Variants in PHF14 observed in about 807,000 individuals in gnomAD.
PHF14 encodes PHD finger protein 14.
PHF14 carries 55 observed loss-of-function variants against 117.9 expected under a neutral mutation model. The ratio of observed to expected loss-of-function variants is 0.47; its 90% CI spans 0.38 to 0.58. The LOEUF is 0.58. Among genes scored for constraint, PHF14 ranks in the 20% least tolerant of loss-of-function variants. The probability of loss-of-function intolerance (pLI) is 0.00; values close to 1 mark genes in which losing one functional copy is unlikely to be tolerated. For missense variants in PHF14, 978 were observed against 1,122.2 expected (o/e 0.87, Z 1.84); for synonymous variants, 409 against 368.6 (o/e 1.11, Z -1.26).
intron 10 of PHF14, 86 bp from the exon 11 acceptor site, chr7:11,038,674 T>A: frequency 2.7e-6 from 1 of 367,928 alleles, no homozygotes; most frequent in Non-Finnish European, 4.7e-6. Context: ...AAAAAAATTA[T>A]ATATATATAT....
At chr7:10,980,949 T>C (rs1291594498) in intron 2 of PHF14, among the ~76,000 whole-genome samples, 1 of 152,182 alleles carries the variant, frequency 6.6e-6, no homozygotes, top group Non-Finnish European at 1.5e-5. Context: ...AGAGTGTTTT[T>C]TTCAGAACAG....
intron 7 of PHF14, among the ~76,000 whole-genome samples, chr7:11,034,476 G>A (rs1275059113): frequency 3.3e-5 from 5 of 150,916 alleles, no homozygotes; most frequent in Non-Finnish European, 1.5e-5. Flanking sequence ...TGAGTTTTTA[G>A]GGAAAGAGTT....
At chr7:11,052,089 T>C (rs1388979694) in intron 14 of PHF14, among the ~76,000 whole-genome samples, 1 of 152,164 alleles carries the variant, frequency 6.6e-6, no homozygotes, top group African/African-American at 2.4e-5. Flanking sequence ...TCTTTATCTG[T>C]CTAGCCCAGA....
At chr7:11,090,445 T>G (rs1179796844) in intron 16 of PHF14, among the ~76,000 whole-genome samples, 1 of 152,222 alleles carries the variant, frequency 6.6e-6, no homozygotes, top group East Asian at 1.9e-4. Context: ...ACCCATATTT[T>G]CCTTTTCAGG....
intron 16 of PHF14, among the ~76,000 whole-genome samples, chr7:11,066,995 G>A (rs535558698): frequency 4.6e-5 from 7 of 152,254 alleles, no homozygotes; most frequent in Non-Finnish European, 8.8e-5. Flanking sequence ...AAAAACTTTT[G>A]TGTGTGAAAG....
chr7:11,165,692 G>T (rs892812910), intron 17 of PHF14, among the ~76,000 whole-genome samples: 1 of 152,176 alleles, frequency 6.6e-6, no homozygotes, highest in Non-Finnish European at 1.5e-5. Flanking sequence ...GGAAGGAAAA[G>T]AATGGATAGG....
At chr7:11,135,560 CAG>C (rs1389896773) in intron 17 of PHF14, among the ~76,000 whole-genome samples, 3 of 151,934 alleles carry the variant, frequency 2.0e-5, no homozygotes, top group Non-Finnish European at 2.9e-5. Context: ...TAATTTTAAT[CAG>C]TGTTAATTTT....
At chr7:10,974,538 C>T (rs566657049) in intron 1 of PHF14, among the ~76,000 whole-genome samples, 1 of 152,222 alleles carries the variant, frequency 6.6e-6, no homozygotes, top group East Asian at 1.9e-4. Flanking sequence ...TGGGGGATTA[C>T]GAGGAAGGTG....
intron 16 of PHF14, chr7:11,109,874 T>C (rs1240248721): frequency 2.0e-5 from 3 of 151,958 alleles, no homozygotes; most frequent in Non-Finnish European, 4.4e-5. Context: ...TTTTTTAAAG[T>C]CTTGAATCTA....
At chr7:11,003,271 T>C (rs1782947210) in intron 4 of PHF14, among the ~76,000 whole-genome samples, 2 of 152,196 alleles carry the variant, frequency 1.3e-5, no homozygotes, top group African/African-American at 4.8e-5. Context: ...TTCACGCTAA[T>C]AGCAGGACTC....
At chr7:11,022,663 A>AT (rs200403399) in intron 5 of PHF14, among the ~76,000 whole-genome samples, 2,993 of 152,258 alleles carry the variant, frequency 0.02, 39 homozygotes, top group Middle Eastern at 0.044. Flanking sequence ...TGGAAAAGTA[A>AT]TTTCAGTCCC....
intron 16 of PHF14, among the ~76,000 whole-genome samples, chr7:11,099,640 AT>A: frequency 6.6e-6 from 1 of 152,130 alleles, no homozygotes; most frequent in Middle Eastern, 3.2e-3. Context: ...ATACTTAATC[AT>A]TTGGAAAGAC....
intron 3 of PHF14, among the ~76,000 whole-genome samples, chr7:10,988,032 AG>A (rs371048768): frequency 6.6e-6 from 1 of 150,384 alleles, no homozygotes; most frequent in Non-Finnish European, 1.5e-5. Flanking sequence ...AAAAAAAAAA[AG>A]AAAAAGAAAA....
At chr7:11,102,015 A>G (rs1260048555) in intron 16 of PHF14, among the ~76,000 whole-genome samples, 1 of 151,790 alleles carries the variant, frequency 6.6e-6, no homozygotes, top group Non-Finnish European at 1.5e-5. Context: ...GAGTCTCTGT[A>G]TTTGAGTATA....
At chr7:10,988,351 A>G (rs1374977112) in intron 3 of PHF14, among the ~76,000 whole-genome samples, 1 of 152,184 alleles carries the variant, frequency 6.6e-6, no homozygotes, top group Admixed American at 6.5e-5. Flanking sequence ...TAGAGGAATT[A>G]GAACTGCATT....
chr7:11,073,407 C>A (rs765797097), intron 16 of PHF14, among the ~76,000 whole-genome samples: 132 of 152,210 alleles, frequency 8.7e-4, no homozygotes, highest in Admixed American at 1.2e-3. Context: ...ACCTTAAAAG[C>A]TTCAAAACAA....
intron 16 of PHF14, among the ~76,000 whole-genome samples, chr7:11,083,165 G>C (rs144972419): frequency 6.6e-6 from 1 of 152,136 alleles, no homozygotes; most frequent in African/African-American, 2.4e-5. Flanking sequence ...CAGGATTTGC[G>C]TCAGGGATAA....
chr7:11,151,072 C>CA lies in PHF14; in HGVS notation c.2773-18337dup, dbSNP rs75271767. 4.7e-4 allele frequency among the ~76,000 whole-genome samples: 70 copies of CA among 150,042 alleles called. No individual in the cohort carries two copies. In the East Asian group the frequency reaches 0.012, roughly 25 times the overall value. Reference sequence around the variant, plus strand: ...AAGAAAAGCAAAATAGAATCTTAGACAAAAAAACCTGTCATAATGCAATGG... The same window carrying CA: ...AAGAAAAGCAAAATAGAATCTTAGACAAAAAAAACCTGTCATAATGCAATGG... On this transcript the variant is annotated intron_variant, in intron 17 of 17. Transcript: ENST00000634607.
At chr7:11,047,859 GCGGGAAAAAGAGAGGA>G (rs1784725999) in intron 13 of PHF14, among the ~76,000 whole-genome samples, 1 of 122,814 alleles carries the variant, frequency 8.1e-6, no homozygotes, top group Non-Finnish European at 1.7e-5. Flanking sequence ...GGGAGGGAGG[GCGGGAAAAAGAGAGGA>G]AGGAAGGGAG....
Sources: gnomAD v4.1 joint callset for allele counts (sites outside exome capture counted in the v4.1 genomes callset) on GRCh38, gnomAD v4.1.1 for gene constraint, MANE v1.5 for transcripts, NCBI Gene and HGNC (gene_info 2026-07-23, HGNC 2026-07-21) for gene names.